The following COL17A1 variants were observed in gnomAD, a reference collection of about 807,000 sequenced individuals.
The protein encoded by COL17A1 is collagen alpha-1(XVII) chain.
Under a neutral mutation model 218.4 loss-of-function variants are expected in COL17A1, and 181 were observed. That is an observed-to-expected ratio of 0.83 (90% CI 0.73 to 0.94). COL17A1 has a LOEUF of 0.94. COL17A1 is among the 40% of genes least tolerant of loss of function. The pLI is 0.00. For synonymous variants in COL17A1, 721 were observed against 731.0 expected (o/e 0.99, Z 0.22); for missense variants, 1,924 against 1,945.9 (o/e 0.99, Z 0.21).
rs1327587170 is a variant in COL17A1, at chr10:104,041,546, G to C, written c.2552-8C>G. The stretch of plus-strand genomic sequence containing the variant: ...CTTGTAAATTAAGAACTTCTATAGA[G>C]AGAAGAAAATAGAAATGAGCAAAAG... On this transcript the variant is annotated splice_region_variant and splice_polypyrimidine_tract_variant and intron_variant, in intron 36 of 55. Transcript: ENST00000648076. The C allele has an allele frequency of 1.2e-6, 2 of 1,612,156 alleles. No homozygotes were observed. The highest frequency in any genetic ancestry group is 1.7e-6 in the Non-Finnish European group (2 of 1,178,300).
intron 48 of COL17A1, among the ~76,000 whole-genome samples, chr10:104,036,241 TGAGA>T (rs1018766989): frequency 2.0e-5 from 3 of 150,018 alleles, no homozygotes; most frequent in South Asian, 2.1e-4. Flanking sequence ...GGAGTGTGTG[TGAGA>T]GAGAGAGAGT....
intron 48 of COL17A1, among the ~76,000 whole-genome samples, chr10:104,035,923 T>C (rs200550083): frequency 3.0e-5 from 3 of 98,398 alleles, no homozygotes; most frequent in Admixed American, 3.0e-4. Flanking sequence ...TGTGTATGAG[T>C]GTGTGTGTAT....
In COL17A1 at chr10:104,032,878, C is replaced by T. The variant is rs1320643642; in HGVS notation, c.4357+28G>A. The T allele has an allele frequency of 2.5e-6, 4 of 1,614,038 alleles. No homozygotes were observed. The South Asian group carries it at 4.4e-5, about 18-fold the overall frequency. On this transcript the variant is annotated intron_variant, in intron 54 of 55. Transcript: ENST00000648076. ...ACGAGGTGGGTGTTAACACAGGATC[C>T]AGGGACTGGCTCTCTGCCACCACTT...
At chr10:104,060,005 G>A in intron 14 of COL17A1, 114 bp downstream of exon 14, 1 of 1,518,178 alleles carries the variant, frequency 6.6e-7, no homozygotes, top group Non-Finnish European at 9.0e-7. Flanking sequence ...TCATTAGAAT[G>A]GGATGGCTAT....
intron 1 of COL17A1, among the ~76,000 whole-genome samples, chr10:104,082,569 T>C (rs1296158231): frequency 6.6e-6 from 1 of 152,212 alleles, no homozygotes; most frequent in African/African-American, 2.4e-5. Context: ...ATGAACTGTT[T>C]ATAACAATCC....
At position 104,031,669 on chromosome 10, in the gene COL17A1, T is replaced by TATCA. The variant is rs1323152534; in HGVS notation, c.*562_*565dup. Reference sequence around the variant, plus strand: ...ATATACATATAACCATTAGAAACCCTATCATCACCTCCTAGAGGGGAAGTG... The same window carrying TATCA: ...ATATACATATAACCATTAGAAACCCTATCAATCATCACCTCCTAGAGGGGAAGTG... On this transcript the variant is annotated 3_prime_UTR_variant, in exon 56 of 56. Coordinates refer to ENST00000648076, the MANE Select transcript of COL17A1 (RefSeq NM_000494.4). 1.9e-5 allele frequency: 3 copies of TATCA among 161,832 alleles called. No homozygotes were observed. Among genetic ancestry groups the TATCA allele is most frequent in the Non-Finnish European group, 4.1e-5 (3 of 72,800 alleles). The allele number at this position is 161,832 out of a possible 1,614,324, so 10.0% of individuals were successfully genotyped here. A position where few individuals can be genotyped will look rare whatever the true frequency, so the allele number is the denominator to read the frequency against.
chr10:104,068,085 G>A (rs143377740), intron 9 of COL17A1, among the ~76,000 whole-genome samples: 1 of 152,270 alleles, frequency 6.6e-6, no homozygotes, highest in Non-Finnish European at 1.5e-5. Context: ...GTTGATCTTC[G>A]GCAGGGCCCT....
Position 104,073,946 on chromosome 10 carries a change from C to T in COL17A1, c.379+238G>A, listed in dbSNP as rs1461227676. On this transcript the variant is annotated intron_variant, in intron 6 of 55. Coordinates refer to ENST00000648076, the MANE Select transcript of COL17A1 (RefSeq NM_000494.4). ...ATCCAAGCCTGAGCCTTATATATAG[C>T]TTACCATTTCTATAGTGCCACGAGC... 12 of 530,514 alleles carry T rather than the reference C, an allele frequency of 2.3e-5. 1 individual carries two copies. The South Asian group carries it at 2.4e-4, about 11-fold the overall frequency. The allele number at this position is 530,514 out of a possible 1,614,324, so 32.9% of individuals were successfully genotyped here. A position where few individuals can be genotyped will look rare whatever the true frequency, so the allele number is the denominator to read the frequency against.
chr10:104,080,778 A>C, intron 1 of COL17A1, 94 bp from the exon 2 acceptor site: 1 of 1,280,000 alleles, frequency 7.8e-7, no homozygotes, highest in Admixed American at 1.9e-5. Flanking sequence ...CAAAAACATG[A>C]TTTCAAGAAT....
chr10:104,043,803 G>T, intron 34 of COL17A1, 22 bp downstream of exon 34: 1 of 1,613,648 alleles, frequency 6.2e-7, no homozygotes, highest in Non-Finnish European at 8.5e-7. Flanking sequence ...CAGAAAGGAG[G>T]GTCCCTCTAG....
chr10:104,061,460 C>T lies in COL17A1; in HGVS notation c.924G>A (p.Lys308=). The T allele has an allele frequency of 6.2e-7, 1 of 1,613,432 alleles. No homozygotes were observed. Among genetic ancestry groups the T allele is most frequent in the Non-Finnish European group, 8.5e-7 (1 of 1,179,800 alleles). The change falls in exon 13 of 56, where the codon AAG becomes AAA. Residue 308 remains lysine (K), a synonymous_variant. Transcript: ENST00000648076. ...TTTTSTAYGV[K]KNMPQSPAAV... ...CCGCAGGACTCTGGGGCATGTTTTTCTTCACCCCATATGCTGCAAGAAAGG... is the reference window on the plus strand; with the variant it reads ...CCGCAGGACTCTGGGGCATGTTTTTTTTCACCCCATATGCTGCAAGAAAGG...
chr10:104,050,089 C>T lies in COL17A1; in HGVS notation c.2164G>A (p.Gly722Ser), dbSNP rs1379290286. The change falls in exon 28 of 56, where the codon GGC becomes AGC. Residue 722 changes from glycine (G) to serine (S), a missense_variant and splice_region_variant. Physicochemically the swap from Gly to Ser is moderately conservative, Grantham distance 56. Coordinates refer to ENST00000648076, the MANE Select transcript of COL17A1 (RefSeq NM_000494.4). The stretch of plus-strand genomic sequence containing the variant: ...AAGTAGATTCCCATGACAGACTGAC[C>T]TGTGAGGCCTCGAGGTCCTTTCTCA... ...QGEKGPRGLT[G>S]EPGMRGLPGA... is the part of the protein sequence containing the mutation. The T allele has an allele frequency of 1.2e-6, 2 of 1,613,982 alleles. No individual in the cohort carries two copies. Among genetic ancestry groups the T allele is most frequent in the African/African-American group, 2.7e-5 (2 of 74,884 alleles).
Position 104,034,772 on chromosome 10 carries a change from G to A in COL17A1, c.3620-5C>T, listed in dbSNP as rs1473815754. 1 of 1,611,898 alleles carries A rather than the reference G, an allele frequency of 6.2e-7. No individual in the cohort carries two copies. Among genetic ancestry groups the A allele is most frequent in the Non-Finnish European group, 8.5e-7 (1 of 1,179,614 alleles). Reference sequence around the variant, plus strand: ...GGATGAATGACAAGCCGGCAGCTGGGCAGAAGGAAGAGAAAGAAAGGTCGG... The same window carrying A: ...GGATGAATGACAAGCCGGCAGCTGGACAGAAGGAAGAGAAAGAAAGGTCGG... On this transcript the variant is annotated splice_region_variant and splice_polypyrimidine_tract_variant and intron_variant, in intron 50 of 55. Transcript: ENST00000648076.
chr10:104,039,001 C>T, intron 44 of COL17A1, 70 bp downstream of exon 44: 1 of 1,464,422 alleles, frequency 6.8e-7, no homozygotes, highest in Non-Finnish European at 9.6e-7. Flanking sequence ...AATAGAGCAA[C>T]ATCCTCACTG....
Position 104,060,362 on chromosome 10 carries a change from GAAGA to G in COL17A1, c.980-86_980-83del. Reference sequence around the variant, plus strand: ...GGAGAAAAGACAAGAAGAGGAAGGAGAAGAAAGAGAAGGAGGAGGGAGGTAAATT... The same window carrying G: ...GGAGAAAAGACAAGAAGAGGAAGGAGAAGAGAAGGAGGAGGGAGGTAAATT... On this transcript the variant is annotated intron_variant, in intron 13 of 55. Coordinates refer to ENST00000648076, the MANE Select transcript of COL17A1 (RefSeq NM_000494.4). 3 of 1,572,446 alleles carry G rather than the reference GAAGA, an allele frequency of 1.9e-6. 1 individual carries two copies. The South Asian group carries it at 3.4e-5, about 18-fold the overall frequency.
Position 104,035,373 on chromosome 10 carries a change from C to T in COL17A1, c.3509G>A (p.Gly1170Glu), listed in dbSNP as rs906521101. ...TCCAACGATGCCTCTGAATTCAGAC[C>T]CTGAGACACCAAGGGAGGGCACGGA... ...SYEELLSLLRGSEFRGIVGPP... is the reference protein window; with the variant it reads ...SYEELLSLLRESEFRGIVGPP... The change falls in exon 50 of 56, where the codon GGG becomes GAG. Residue 1170 changes from glycine to glutamate, a missense_variant and splice_region_variant. Gly to Glu is a moderately conservative substitution (Grantham distance 98). Transcript: ENST00000648076. 1.9e-6 allele frequency: 3 copies of T among 1,613,902 alleles called. No individual in the cohort carries two copies. Among genetic ancestry groups the T allele is most frequent in the South Asian group, 2.2e-5 (2 of 91,072 alleles).
chr10:104,045,325 A>G (rs1298092317), intron 33 of COL17A1, among the ~76,000 whole-genome samples: 2 of 152,192 alleles, frequency 1.3e-5, no homozygotes, highest in Admixed American at 6.5e-5. Context: ...CATTCACACC[A>G]AGGCTGATAT....
intron 8 of COL17A1, 57 bp from the exon 9 acceptor site, chr10:104,070,626 G>C (rs1188730200): frequency 1.2e-6 from 2 of 1,613,450 alleles, no homozygotes; most frequent in East Asian, 2.2e-5. Flanking sequence ...CTGAGTCCCT[G>C]TGCAACTGGG....
At chr10:104,069,541 C>T (rs1037558841) in intron 9 of COL17A1, among the ~76,000 whole-genome samples, 1 of 152,140 alleles carries the variant, frequency 6.6e-6, no homozygotes, top group African/African-American at 2.4e-5. Flanking sequence ...AGTAGCACTC[C>T]TTAGGATTAG....
Sources: gnomAD v4.1 joint callset for allele counts (sites outside exome capture counted in the v4.1 genomes callset) on GRCh38, gnomAD v4.1.1 for gene constraint, MANE v1.5 for transcripts, NCBI Gene and HGNC (gene_info 2026-07-23, HGNC 2026-07-21) for gene names.